Variants in AGAP5 observed in about 807,000 individuals in gnomAD.
The protein encoded by AGAP5 is ArfGAP with GTPase domain, ankyrin repeat and PH domain 5.
In AGAP5, 8 loss-of-function variants were observed where a neutral mutation model predicts 27.7. That is an observed-to-expected ratio of 0.29 (90% CI 0.17 to 0.52). The LOEUF is 0.52. Ranked by LOEUF, AGAP5 falls within the 20% of genes least tolerant of loss-of-function variation. The probability of loss-of-function intolerance (pLI) is 0.97; values close to 1 mark genes in which losing one functional copy is unlikely to be tolerated. For missense variants in AGAP5, 285 were observed against 880.8 expected, an observed-to-expected ratio of 0.32 and a Z score of 8.56; for synonymous variants, 111 against 338.0, an observed-to-expected ratio of 0.33 and a Z score of 7.37.
chr10:73,688,916 A>G (rs2082086923), intron 4 of AGAP5, among the ~76,000 whole-genome samples: 1 of 152,172 alleles, frequency 6.6e-6, no homozygotes, highest in Admixed American at 6.5e-5. Flanking sequence ...CTGTAATAAG[A>G]GCACAACTGC....
Position 73,689,198 on chromosome 10 carries a change from G to A in AGAP5, c.396+2845C>T, listed in dbSNP as rs140479106. On this transcript the variant is annotated intron_variant, in intron 4 of 7. Transcript: ENST00000374094. ...GAGACGGGGTTTCGCTCTGTTGGCC[G>A]GGCTGGTCTCCAGCTCCTAACTGAG... is the stretch of plus-strand genomic sequence containing the variant. Among the ~76,000 whole-genome samples, 1,452 of 152,366 alleles carry A rather than the reference G, an allele frequency of 9.5e-3. 31 individuals are homozygous for A. Among genetic ancestry groups the A allele is most frequent in the East Asian group, 0.048 (250 of 5,184 alleles).
At chr10:73,688,606 A>G (rs2082083963) in intron 4 of AGAP5, among the ~76,000 whole-genome samples, 1 of 152,106 alleles carries the variant, frequency 6.6e-6, no homozygotes, top group Non-Finnish European at 1.5e-5. Context: ...CTAGAATAAA[A>G]AGACAAACTG....
chr10:73,695,656 A>G (rs1175968826), intron 2 of AGAP5, among the ~76,000 whole-genome samples: 2 of 152,236 alleles, frequency 1.3e-5, no homozygotes, highest in Non-Finnish European at 2.9e-5. Context: ...TAGTACTTCC[A>G]AGTTACAAAG....
rs1169318602 is a variant in AGAP5, at chr10:73,697,563, G to T, written c.193C>A (p.His65Asn). 6.2e-7 allele frequency: 1 copy of T among 1,612,942 alleles called. No individual in the cohort carries two copies. Among genetic ancestry groups the T allele is most frequent in the South Asian group, 1.1e-5 (1 of 91,072 alleles). ...TVEVGEDLHM[H>N]HIRDQEMPEA... is the part of the protein sequence containing the mutation. Reference sequence around the variant, plus strand: ...GGCATCTCCTGGTCACGAATGTGGTGCATGTGGAGGTCCTCACCAACTTCA... The same window carrying T: ...GGCATCTCCTGGTCACGAATGTGGTTCATGTGGAGGTCCTCACCAACTTCA... The change falls in exon 1 of 8, where the codon CAC (histidine) becomes AAC (asparagine). Residue 65 changes from histidine to asparagine, a missense_variant. Transcript: ENST00000374094.
intron 4 of AGAP5, among the ~76,000 whole-genome samples, chr10:73,685,715 G>A (rs992229152): frequency 2.0e-5 from 3 of 151,892 alleles, no homozygotes; most frequent in African/African-American, 7.3e-5. Flanking sequence ...ACCACGCCCG[G>A]CTAACTTTTG....
intron 2 of AGAP5, among the ~76,000 whole-genome samples, chr10:73,696,300 G>A (rs1436312911): frequency 5.3e-5 from 8 of 152,124 alleles, no homozygotes; most frequent in Non-Finnish European, 1.5e-5. Flanking sequence ...TTACAGGCGT[G>A]AGCCACCAAG....
In AGAP5 at chr10:73,675,257, T is replaced by C; in HGVS notation, c.1403A>G (p.Gln468Arg). 6.2e-7 allele frequency: 1 copy of C among 1,609,878 alleles called. No individual in the cohort carries two copies. The highest frequency in any genetic ancestry group is 8.5e-7 in the Non-Finnish European group (1 of 1,178,882). ...GTTCCCACGCATGTTTTGGATCGAC[T>C]GCAGGGCCATGGCCTCGCTCTGGCT... is the stretch of plus-strand genomic sequence containing the variant. ...LTSQSEAMAL[Q>R]SIQNMRGNAH... The change falls in exon 8 of 8, where the codon CAG (glutamine) becomes CGG (arginine). Residue 468 changes from glutamine (Q) to arginine (R), a missense_variant. Gln to Arg is a conservative substitution (Grantham distance 43). Transcript: ENST00000374094.
chr10:73,678,984 A>C (rs1166316602), intron 6 of AGAP5, among the ~76,000 whole-genome samples: 1 of 144,504 alleles, frequency 6.9e-6, no homozygotes, highest in African/African-American at 2.6e-5. Flanking sequence ...CTCCCAAGTA[A>C]CTGGGACTAC....
chr10:73,685,314 G>C (rs1359415870), intron 4 of AGAP5, among the ~76,000 whole-genome samples: 1 of 144,074 alleles, frequency 6.9e-6, no homozygotes, highest in Non-Finnish European at 1.5e-5. Context: ...TTGGTTGTGG[G>C]TTTGTCATAG....
chr10:73,676,504 T>C (rs1368095854), intron 7 of AGAP5, among the ~76,000 whole-genome samples: 1 of 148,882 alleles, frequency 6.7e-6, no homozygotes, highest in Non-Finnish European at 1.5e-5. Context: ...AAAGATACAT[T>C]TTCTGTTGTT....
intron 4 of AGAP5, among the ~76,000 whole-genome samples, chr10:73,688,758 A>C (rs1488555856): frequency 2.0e-5 from 3 of 152,166 alleles, no homozygotes; most frequent in African/African-American, 7.2e-5. Context: ...CTGCAGGTTT[A>C]GTAGCCTCAA....
At chr10:73,694,638 A>G (rs1299655264) in intron 3 of AGAP5, 98 bp downstream of exon 3, 1 of 1,591,288 alleles carries the variant, frequency 6.3e-7, no homozygotes, top group Non-Finnish European at 8.5e-7. Context: ...AAGGGTGAAA[A>G]ATTTAAACCA....
Position 73,674,681 on chromosome 10 carries a change from G to A in AGAP5, c.1979C>T (p.Ala660Val), listed in dbSNP as rs3901391. The change falls in exon 8 of 8, where the codon GCG becomes GTG. Residue 660 changes from alanine (A) to valine (V), a missense_variant. By Grantham distance (64) the Ala-to-Val change is moderately conservative. Coordinates refer to ENST00000374094, the MANE Select transcript of AGAP5 (RefSeq NM_001144000.4). ...VMARDAHGNT[A>V]LTYARQASSQ... ...GGAGGCCTGCCGGGCGTAGGTCAGC[G>A]CTGTGTTCCCGTGGGCATCTCGGGC... The A allele has an allele frequency of 3.1e-6, 5 of 1,611,944 alleles. No homozygotes were observed. The highest frequency in any genetic ancestry group is 2.2e-5 in the East Asian group (1 of 44,882).
intron 6 of AGAP5, among the ~76,000 whole-genome samples, chr10:73,679,161 G>T (rs1050676095): frequency 6.8e-6 from 1 of 147,428 alleles, no homozygotes; most frequent in Non-Finnish European, 1.5e-5. Flanking sequence ...CCAGCTTATT[G>T]CTTTTTTTGT....
chr10:73,689,403 C>G (rs534639460), intron 4 of AGAP5, among the ~76,000 whole-genome samples: 2 of 151,700 alleles, frequency 1.3e-5, no homozygotes, highest in Admixed American at 1.3e-4. Flanking sequence ...TCTGCCCAGC[C>G]GCCACCCCGT....
chr10:73,691,679 AC>A (rs2082120579), intron 4 of AGAP5, among the ~76,000 whole-genome samples: 2 of 152,082 alleles, frequency 1.3e-5, no homozygotes, highest in South Asian at 4.1e-4. Context: ...TTTAGTAGAT[AC>A]AGAATTTCAC....
intron 2 of AGAP5, among the ~76,000 whole-genome samples, 192 bp from the exon 3 acceptor site, chr10:73,694,996 G>A (rs1235278830): frequency 1.3e-5 from 2 of 151,966 alleles, no homozygotes; most frequent in Non-Finnish European, 2.9e-5. Flanking sequence ...TACTCAGGAG[G>A]CTGAGATGGG....
intron 4 of AGAP5, among the ~76,000 whole-genome samples, chr10:73,690,605 T>TA (rs1565008251): frequency 0.039 from 3,144 of 80,550 alleles, 94 homozygotes; most frequent in Middle Eastern, 0.11. Context: ...GAATGATCAA[T>TA]TAAAAAAAAA....
Sources: gnomAD v4.1 joint callset for allele counts (sites outside exome capture counted in the v4.1 genomes callset) on GRCh38, gnomAD v4.1.1 for gene constraint, MANE v1.5 for transcripts, NCBI Gene and HGNC (gene_info 2026-07-23, HGNC 2026-07-21) for gene names.